KIAA1217: variants seen among roughly 807,000 people sequenced by gnomAD.
KIAA1217 encodes the protein sickle tail protein homolog.
KIAA1217 carries 88 observed loss-of-function variants against 163.9 expected under a neutral mutation model. The ratio of observed to expected loss-of-function variants is 0.54; its 90% CI spans 0.45 to 0.64. The LOEUF (loss-of-function observed/expected upper bound fraction) is 0.64. KIAA1217 is among the 30% of genes least tolerant of loss of function. The probability of loss-of-function intolerance (pLI) is 0.00; values close to 1 mark genes in which losing one functional copy is unlikely to be tolerated. For missense variants in KIAA1217, 2,372 were observed against 2,475.0 expected (o/e 0.96, Z 0.88); for synonymous variants, 903 against 923.1 (o/e 0.98, Z 0.39).
At chr10:23,942,114 A>G (rs1320399799) in intron 1 of KIAA1217, among the ~76,000 whole-genome samples, 1 of 152,194 alleles carries the variant, frequency 6.6e-6, no homozygotes, top group Non-Finnish European at 1.5e-5. Flanking sequence ...TTATACTACA[A>G]TTGAATATAG....
chr10:24,155,339 G>A (rs1288872042), intron 2 of KIAA1217, among the ~76,000 whole-genome samples: 2 of 152,100 alleles, frequency 1.3e-5, no homozygotes, highest in Non-Finnish European at 2.9e-5. Context: ...CCTAGTTAGT[G>A]GTGCTGGATC....
intron 6 of KIAA1217, among the ~76,000 whole-genome samples, chr10:24,491,273 C>CT (rs797002022): frequency 0.39 from 47,128 of 120,334 alleles, 9,027 homozygotes; most frequent in South Asian, 0.51. Flanking sequence ...TGCTTTGTTT[C>CT]TTTTTTTTTT....
intron 2 of KIAA1217, among the ~76,000 whole-genome samples, chr10:24,355,343 G>A (rs2048954649): frequency 6.6e-6 from 1 of 152,198 alleles, no homozygotes; most frequent in South Asian, 2.1e-4. Flanking sequence ...TTAAATGACA[G>A]GGATTTATTT....
intron 2 of KIAA1217, among the ~76,000 whole-genome samples, chr10:24,344,970 G>A (rs115789840): frequency 4.3e-4 from 65 of 152,296 alleles, no homozygotes; most frequent in African/African-American, 1.5e-3. Flanking sequence ...ATCATCAACT[G>A]AATGGGCAAT....
At chr10:24,154,608 C>T (rs1298224855) in intron 2 of KIAA1217, among the ~76,000 whole-genome samples, 1 of 152,036 alleles carries the variant, frequency 6.6e-6, no homozygotes, top group East Asian at 1.9e-4. Context: ...AGCACAGTGA[C>T]TCACACCTAT....
chr10:24,227,871 T>C (rs2070811336), intron 2 of KIAA1217, among the ~76,000 whole-genome samples: 1 of 151,874 alleles, frequency 6.6e-6, no homozygotes, highest in African/African-American at 2.4e-5. Flanking sequence ...GGCCAAGAGG[T>C]CATTCTTCTG....
At chr10:23,940,602 G>C (rs557197995) in intron 1 of KIAA1217, among the ~76,000 whole-genome samples, 1 of 151,908 alleles carries the variant, frequency 6.6e-6, no homozygotes, top group South Asian at 2.1e-4. Context: ...TAAGGAACAT[G>C]TATAAACATT....
At chr10:24,110,616 A>C (rs937095837) in intron 2 of KIAA1217, among the ~76,000 whole-genome samples, 1 of 149,308 alleles carries the variant, frequency 6.7e-6, no homozygotes, top group African/African-American at 2.5e-5. Context: ...AAAAAAAAAA[A>C]ACTCAAAATG....
intron 1 of KIAA1217, among the ~76,000 whole-genome samples, chr10:23,989,572 C>G (rs1846125826): frequency 6.6e-6 from 1 of 152,120 alleles, no homozygotes; most frequent in African/African-American, 2.4e-5. Flanking sequence ...GATGGAGGAT[C>G]AGAGAGACTT....
chr10:24,426,452 T>C (rs2059175206), intron 3 of KIAA1217, among the ~76,000 whole-genome samples: 1 of 151,792 alleles, frequency 6.6e-6, no homozygotes, highest in African/African-American at 2.4e-5. Flanking sequence ...CAAAACCCCG[T>C]CTCTACTAAA....
At chr10:24,036,096 G>A (rs1183378961) in intron 2 of KIAA1217, among the ~76,000 whole-genome samples, 1 of 152,246 alleles carries the variant, frequency 6.6e-6, no homozygotes, top group East Asian at 1.9e-4. Flanking sequence ...CCAGGGAGGA[G>A]ATCCCCAACA....
chr10:24,468,560 G>A (rs971315207), intron 5 of KIAA1217, among the ~76,000 whole-genome samples: 2 of 152,176 alleles, frequency 1.3e-5, no homozygotes, highest in African/African-American at 4.8e-5. Context: ...CAGCGCCACT[G>A]TGGATAACTC....
chr10:23,745,493 G>A (rs1482627813), intron 1 of KIAA1217, among the ~76,000 whole-genome samples: 1 of 152,154 alleles, frequency 6.6e-6, no homozygotes, highest in Non-Finnish European at 1.5e-5. Flanking sequence ...TGATTATCAT[G>A]GAGAAATTGG....
chr10:24,098,450 G>T (rs2062250251), intron 2 of KIAA1217, among the ~76,000 whole-genome samples: 1 of 152,120 alleles, frequency 6.6e-6, no homozygotes, highest in Non-Finnish European at 1.5e-5. Context: ...AAAGCTCACT[G>T]AGGCTCTAGA....
intron 1 of KIAA1217, among the ~76,000 whole-genome samples, chr10:23,969,020 G>T (rs1401602006): frequency 6.6e-6 from 1 of 152,174 alleles, no homozygotes; most frequent in African/African-American, 2.4e-5. Flanking sequence ...GCACATAGAA[G>T]CTCTATGTTT....
At chr10:24,095,251 G>A (rs1031885308) in intron 2 of KIAA1217, among the ~76,000 whole-genome samples, 24 of 152,092 alleles carry the variant, frequency 1.6e-4, no homozygotes, top group African/African-American at 3.9e-4. Flanking sequence ...ACTGTCCTGC[G>A]CCCACTGTCT....
intron 2 of KIAA1217, among the ~76,000 whole-genome samples, chr10:24,283,704 G>C (rs538253397): frequency 1.6e-4 from 24 of 152,106 alleles, no homozygotes; most frequent in African/African-American, 5.5e-4. Context: ...CTGATGAACT[G>C]TCCTCTAAAT....
intron 15 of KIAA1217, 32 bp from the exon 16 acceptor site, chr10:24,533,038 A>AAAC: frequency 6.3e-7 from 1 of 1,581,956 alleles, no homozygotes; most frequent in Non-Finnish European, 8.6e-7. Context: ...AGGAGATGTT[A>AAAC]AACCACTATC....
At chr10:23,879,329 G>C (rs1304364277) in intron 1 of KIAA1217, among the ~76,000 whole-genome samples, 1 of 151,892 alleles carries the variant, frequency 6.6e-6, no homozygotes, top group African/African-American at 2.4e-5. Context: ...CTAGAGATGA[G>C]AAATACTCTT....
Sources: gnomAD v4.1 joint callset for allele counts (sites outside exome capture counted in the v4.1 genomes callset) on GRCh38, gnomAD v4.1.1 for gene constraint, MANE v1.5 for transcripts, NCBI Gene and HGNC (gene_info 2026-07-23, HGNC 2026-07-21) for gene names.